SNTG1: variants seen among roughly 807,000 people sequenced by gnomAD.
SNTG1 encodes the protein syntrophin gamma 1.
SNTG1 carries 39 observed loss-of-function variants against 74.7 expected under a neutral mutation model. The observed-to-expected ratio is 0.52, with a 90% CI of 0.40 to 0.68. The LOEUF is 0.68. Among genes scored for constraint, SNTG1 ranks in the 30% least tolerant of loss-of-function variants. SNTG1 has a pLI of 0.00. For synonymous variants in SNTG1, 254 were observed against 217.1 expected (o/e 1.17, Z -1.49); for missense variants, 685 against 609.5 (o/e 1.12, Z -1.30).
chr8:50,761,454 G>A (rs1024644122), intron 18 of SNTG1, among the ~76,000 whole-genome samples: 8 of 151,874 alleles, frequency 5.3e-5, no homozygotes, highest in African/African-American at 1.9e-4. Flanking sequence ...CCCCGCTTAG[G>A]TTGGACAGGA....
At chr8:50,233,351 A>G (rs1179905393) in intron 2 of SNTG1, among the ~76,000 whole-genome samples, 1 of 151,760 alleles carries the variant, frequency 6.6e-6, no homozygotes, top group East Asian at 1.9e-4. Flanking sequence ...ACAATTGGAT[A>G]TCAACAGGTA....
chr8:50,408,548 C>T (rs189037058), intron 4 of SNTG1, among the ~76,000 whole-genome samples: 1 of 152,222 alleles, frequency 6.6e-6, no homozygotes, highest in East Asian at 1.9e-4. Context: ...TGCACCAAGG[C>T]AGGAGAGGGT....
intron 2 of SNTG1, among the ~76,000 whole-genome samples, chr8:50,384,652 AC>A (rs761361949): frequency 2.6e-5 from 4 of 152,100 alleles, no homozygotes; most frequent in Non-Finnish European, 5.9e-5. Flanking sequence ...TCCATGTTGC[AC>A]CTGCATATTG....
chr8:50,505,514 CTTTGT>C (rs2093998720), intron 9 of SNTG1, among the ~76,000 whole-genome samples: 1 of 151,866 alleles, frequency 6.6e-6, no homozygotes, highest in African/African-American at 2.4e-5. Context: ...TGTTTTTTTG[CTTTGT>C]TTTGTTTTGG....
At chr8:49,969,635 G>A (rs954164415) in intron 1 of SNTG1, among the ~76,000 whole-genome samples, 2 of 151,886 alleles carry the variant, frequency 1.3e-5, no homozygotes, top group African/African-American at 2.4e-5. Flanking sequence ...GACCTCAGGT[G>A]ATCCACCGGC....
chr8:50,216,811 A>C (rs1456220901), intron 2 of SNTG1, among the ~76,000 whole-genome samples: 1 of 152,110 alleles, frequency 6.6e-6, no homozygotes, highest in African/African-American at 2.4e-5. Flanking sequence ...AGTGTAACTT[A>C]GTGAATGATT....
At chr8:50,506,000 T>C (rs1009528499) in intron 9 of SNTG1, among the ~76,000 whole-genome samples, 4 of 152,050 alleles carry the variant, frequency 2.6e-5, no homozygotes, top group Non-Finnish European at 4.4e-5. Context: ...TGTTTAGGTA[T>C]TTGATTTGTG....
intron 5 of SNTG1, among the ~76,000 whole-genome samples, chr8:50,440,636 G>A (rs1302126553): frequency 6.6e-6 from 1 of 152,160 alleles, no homozygotes; most frequent in East Asian, 1.9e-4. Context: ...ACTAATAAAA[G>A]TATGCATATA....
intron 8 of SNTG1, among the ~76,000 whole-genome samples, chr8:50,473,818 A>T (rs1331804094): frequency 2.6e-5 from 4 of 152,178 alleles, no homozygotes; most frequent in Non-Finnish European, 5.9e-5. Flanking sequence ...CAGTCACAAA[A>T]CAATACATCC....
intron 2 of SNTG1, among the ~76,000 whole-genome samples, chr8:50,378,602 G>A (rs1431806254): frequency 1.3e-5 from 2 of 152,230 alleles, no homozygotes; most frequent in Admixed American, 6.5e-5. Flanking sequence ...GCCACAGCAG[G>A]TAGCTCCTTT....
At chr8:50,176,080 C>T (rs2131680820) in intron 2 of SNTG1, among the ~76,000 whole-genome samples, 1 of 152,222 alleles carries the variant, frequency 6.6e-6, no homozygotes, top group South Asian at 2.1e-4. Flanking sequence ...ATTACTGAAA[C>T]AAGAGTATTA....
At chr8:50,708,765 T>G in intron 16 of SNTG1, 121 bp from the exon 17 acceptor site, 1 of 601,916 alleles carries the variant, frequency 1.7e-6, no homozygotes, top group Non-Finnish European at 2.9e-6. Context: ...CTTTATACAA[T>G]TATTGTTAAT....
chr8:50,768,843 A>G (rs1391297068), intron 18 of SNTG1, among the ~76,000 whole-genome samples: 2 of 152,046 alleles, frequency 1.3e-5, no homozygotes, highest in African/African-American at 4.8e-5. Flanking sequence ...AAGTTAGGAC[A>G]AAAATTGAAC....
chr8:50,689,545 T>C (rs538227615), intron 15 of SNTG1, among the ~76,000 whole-genome samples: 2 of 152,342 alleles, frequency 1.3e-5, no homozygotes, highest in Admixed American at 1.3e-4. Context: ...TATGCTGGAT[T>C]AAATTTATTG....
chr8:50,363,248 C>T (rs755779863), intron 2 of SNTG1, among the ~76,000 whole-genome samples: 9 of 151,998 alleles, frequency 5.9e-5, no homozygotes, highest in Non-Finnish European at 7.4e-5. Context: ...TTTCCAGGAG[C>T]GGAAAATAAA....
chr8:50,013,992 A>G (rs1297905740), intron 1 of SNTG1, among the ~76,000 whole-genome samples: 2 of 152,080 alleles, frequency 1.3e-5, no homozygotes, highest in Non-Finnish European at 2.9e-5. Flanking sequence ...CCCATTTTTG[A>G]TCTCAGAAAA....
intron 1 of SNTG1, among the ~76,000 whole-genome samples, chr8:50,150,467 G>A (rs1397196379): frequency 1.3e-5 from 2 of 152,124 alleles, no homozygotes; most frequent in African/African-American, 2.4e-5. Context: ...TCCCTGTCTT[G>A]TGCCAGTTTT....
At chr8:50,138,172 C>T (rs372493014) in intron 1 of SNTG1, among the ~76,000 whole-genome samples, 28 of 152,070 alleles carry the variant, frequency 1.8e-4, no homozygotes, top group Non-Finnish European at 1.2e-4. Flanking sequence ...TCTGGAATAA[C>T]GACGTCACGG....
In SNTG1 at chr8:50,312,473, G is replaced by A. The variant is rs368035844; in HGVS notation, c.-27-81739G>A. Among the ~76,000 whole-genome samples the A allele has an allele frequency of 1.7e-4, 23 of 138,284 alleles. 1 individual carries two copies. The East Asian group carries it at 5.0e-3, about 30-fold the overall frequency. The allele number at this position is 138,284 out of a possible 152,430, so 90.7% of individuals were successfully genotyped here. A position where few individuals can be genotyped will look rare whatever the true frequency, so the allele number is the denominator to read the frequency against. ...CATAATGAATTCAGAAATATGTAAG[G>A]TGAGTAACAGAGTAAAATTGAAAAT... On this transcript the variant is annotated intron_variant, in intron 2 of 18. Transcript: ENST00000642720.
Sources: gnomAD v4.1 joint callset for allele counts (sites outside exome capture counted in the v4.1 genomes callset) on GRCh38, gnomAD v4.1.1 for gene constraint, MANE v1.5 for transcripts, NCBI Gene and HGNC (gene_info 2026-07-23, HGNC 2026-07-21) for gene names.